FGD6: variants seen among roughly 807,000 people sequenced by gnomAD.
FGD6 encodes FYVE, RhoGEF and PH domain-containing protein 6.
Under a neutral mutation model 149.4 loss-of-function variants are expected in FGD6, and 90 were observed. The ratio of observed to expected loss-of-function variants is 0.60; its 90% CI spans 0.51 to 0.72. The LOEUF (loss-of-function observed/expected upper bound fraction) is 0.72. Among genes scored for constraint, FGD6 ranks in the 30% least tolerant of loss-of-function variants. The pLI is 0.00. For missense variants in FGD6, 1,437 were observed against 1,684.8 expected (o/e 0.85, Z 2.57); for synonymous variants, 527 against 584.0 (o/e 0.90, Z 1.41).
chr12:95,162,001 G>A (rs997785749), intron 3 of FGD6, among the ~76,000 whole-genome samples: 3 of 151,214 alleles, frequency 2.0e-5, no homozygotes, highest in Non-Finnish European at 4.4e-5. Flanking sequence ...AGGGCACCAT[G>A]GTTCACATTT....
chr12:95,113,154 A>G (rs1009928523), intron 9 of FGD6, among the ~76,000 whole-genome samples: 2 of 151,060 alleles, frequency 1.3e-5, no homozygotes, highest in African/African-American at 4.9e-5. Context: ...CATCTCACCT[A>G]TCCCCAGCAC....
intron 9 of FGD6, among the ~76,000 whole-genome samples, chr12:95,109,759 C>A (rs74454205): frequency 6.6e-6 from 1 of 151,958 alleles, no homozygotes. Context: ...CAATTTGGGG[C>A]GCTCAGGTGG....
intron 2 of FGD6, among the ~76,000 whole-genome samples, chr12:95,190,647 A>G (rs935218338): frequency 6.6e-6 from 1 of 152,178 alleles, no homozygotes; most frequent in Admixed American, 6.5e-5. Context: ...CTAAAATACT[A>G]TATTTTGGCC....
rs1288807639 is a variant in FGD6 at position 95,148,849 on chromosome 12, T to C, written c.2685+3962A>G. Among the ~76,000 whole-genome samples, 2 of 81,476 alleles carry C rather than the reference T, an allele frequency of 2.5e-5. 1 individual carries two copies. The highest frequency in any genetic ancestry group is 6.7e-4 in the South Asian group (2 of 2,980). The allele number at this position is 81,476 out of a possible 152,430, so 53.5% of individuals were successfully genotyped here. A position where few individuals can be genotyped will look rare whatever the true frequency, so the allele number is the denominator to read the frequency against. ...ATATTATATAATATATAGCATATAT[T>C]ATATATATTATATAAGATATAGCAT... On this transcript the variant is annotated intron_variant, in intron 5 of 20. Transcript: ENST00000343958.
At chr12:95,187,983 T>C (rs1401049640) in intron 2 of FGD6, among the ~76,000 whole-genome samples, 3 of 152,222 alleles carry the variant, frequency 2.0e-5, no homozygotes, top group Non-Finnish European at 4.4e-5. Flanking sequence ...GATCTCAAAG[T>C]ACCTTTTCAA....
intron 19 of FGD6, 46 bp downstream of exon 19, chr12:95,085,734 G>T: frequency 3.9e-6 from 6 of 1,553,146 alleles, no homozygotes; most frequent in Non-Finnish European, 5.2e-6. Flanking sequence ...CTTGCAGTTG[G>T]CATTACAAAA....
intron 2 of FGD6, among the ~76,000 whole-genome samples, chr12:95,193,505 C>T (rs1881649214): frequency 6.6e-6 from 1 of 151,210 alleles, no homozygotes; most frequent in East Asian, 1.9e-4. Flanking sequence ...TTACAGATGC[C>T]CACCACCACA....
chr12:95,131,938 G>A (rs143349505), intron 8 of FGD6, among the ~76,000 whole-genome samples: 20 of 152,278 alleles, frequency 1.3e-4, no homozygotes, highest in African/African-American at 4.1e-4. Context: ...TACTTGGGAG[G>A]CTGAGGAGGG....
rs377469369 is a variant in FGD6, at chr12:95,214,083, T to C, written c.17-2816A>G. 1.3e-4 allele frequency among the ~76,000 whole-genome samples: 20 copies of C among 152,304 alleles called. No homozygotes were observed. The East Asian group carries it at 1.3e-3, about 10-fold the overall frequency. On this transcript the variant is annotated intron_variant, in intron 1 of 20. Transcript: ENST00000343958. ...CTCATGTACTGTGGCCTCTGTCTCC[T>C]GCGTTGATGTTTTTTCAGTTCACCT...
intron 18 of FGD6, among the ~76,000 whole-genome samples, chr12:95,088,092 T>A (rs11107892): frequency 0.072 from 10,985 of 152,236 alleles, 507 homozygotes; most frequent in East Asian, 0.15. Flanking sequence ...ACCAGTTTAG[T>A]AGCCACACAA....
chr12:95,126,396 G>A, intron 8 of FGD6: 3 of 1,402,046 alleles, frequency 2.1e-6, no homozygotes, highest in Non-Finnish European at 1.9e-6. Flanking sequence ...AGCATATGAG[G>A]CAACTATAAA....
chr12:95,160,452 C>T (rs181930385), intron 3 of FGD6, among the ~76,000 whole-genome samples: 133 of 152,102 alleles, frequency 8.7e-4, no homozygotes, highest in South Asian at 1.9e-3. Context: ...CCTACTCATA[C>T]GGTGTGAAAA....
chr12:95,144,360 A>G (rs1565907132), intron 5 of FGD6, among the ~76,000 whole-genome samples: 2 of 152,174 alleles, frequency 1.3e-5, no homozygotes, highest in Non-Finnish European at 1.5e-5. Flanking sequence ...AGGCTATAAG[A>G]ATTTTGAGAG....
At chr12:95,140,539 C>T (rs144420684) in intron 6 of FGD6, among the ~76,000 whole-genome samples, 38 of 152,224 alleles carry the variant, frequency 2.5e-4, no homozygotes, top group African/African-American at 9.1e-4. Context: ...ATCACTTGAA[C>T]CTGGGAGGCA....
chr12:95,131,164 T>C (rs891079188), intron 8 of FGD6, among the ~76,000 whole-genome samples: 1 of 147,894 alleles, frequency 6.8e-6, no homozygotes, highest in Non-Finnish European at 1.5e-5. Context: ...TAGGCTAGAG[T>C]GCAATGGTGC....
intron 8 of FGD6, among the ~76,000 whole-genome samples, chr12:95,120,642 G>A (rs979334417): frequency 6.6e-6 from 1 of 150,896 alleles, no homozygotes; most frequent in Non-Finnish European, 1.5e-5. Flanking sequence ...AGCCGAGATC[G>A]CACCACTGCA....
chr12:95,186,521 GA>G (rs57464025), intron 2 of FGD6, among the ~76,000 whole-genome samples: 77 of 136,378 alleles, frequency 5.6e-4, no homozygotes, highest in East Asian at 1.7e-3. Context: ...CTTAAATCAT[GA>G]AAAAAAAAAA....
At position 95,210,906 on chromosome 12, in the gene FGD6, C is replaced by T. The variant is rs201726809; in HGVS notation, c.378G>A (p.Leu126=). The change falls in exon 2 of 21, where the codon TTG becomes TTA. Residue 126 remains leucine (L), a synonymous_variant. Coordinates refer to ENST00000343958, the MANE Select transcript of FGD6 (RefSeq NM_018351.4). ...CIHKLGHREN[L]CVKQLVLEPL... is the part of the protein sequence containing the mutation. ...GCTCTAAAACAAGCTGCTTTACACA[C>T]AAATTCTCTCTATGGCCCAGCTTAT... 56 of 1,613,802 alleles carry T rather than the reference C, an allele frequency of 3.5e-5. 1 individual carries two copies. In the South Asian group the frequency reaches 4.7e-4, roughly 14 times the overall value.
rs559981546 is a variant in FGD6 at position 95,148,833 on chromosome 12, A to T, written c.2685+3978T>A. ...ATTACATATATTATATATATTATAT[A>T]ATATATAGCATATATTATATATATT... On this transcript the variant is annotated intron_variant, in intron 5 of 20. Coordinates refer to ENST00000343958, the MANE Select transcript of FGD6 (RefSeq NM_018351.4). Among the ~76,000 whole-genome samples the T allele has an allele frequency of 9.9e-4, 95 of 95,576 alleles. 10 individuals are homozygous for T. Among genetic ancestry groups the T allele is most frequent in the African/African-American group, 4.0e-3 (93 of 23,426 alleles). The allele number at this position is 95,576 out of a possible 152,430, so 62.7% of individuals were successfully genotyped here.
Sources: gnomAD v4.1 joint callset for allele counts (sites outside exome capture counted in the v4.1 genomes callset) on GRCh38, gnomAD v4.1.1 for gene constraint, MANE v1.5 for transcripts, NCBI Gene and HGNC (gene_info 2026-07-23, HGNC 2026-07-21) for gene names.